ATXN7L1: variants seen among roughly 807,000 people sequenced by gnomAD.
The protein encoded by ATXN7L1 is ataxin-7-like protein 1.
ATXN7L1 carries 15 observed loss-of-function variants against 70.8 expected under a neutral mutation model. The ratio of observed to expected loss-of-function variants is 0.21; its 90% CI spans 0.14 to 0.33. The LOEUF is 0.33. ATXN7L1 is among the 10% of genes least tolerant of loss of function. The pLI, the probability that ATXN7L1 is intolerant of heterozygous loss-of-function variation, is 1.00. For missense variants in ATXN7L1, 975 were observed against 1,097.1 expected (o/e 0.89, Z 1.57); for synonymous variants, 440 against 445.1 (o/e 0.99, Z 0.14).
intron 3 of ATXN7L1, among the ~76,000 whole-genome samples, chr7:105,692,130 G>C (rs1790960107): frequency 6.6e-6 from 1 of 152,196 alleles, no homozygotes; most frequent in Admixed American, 6.5e-5. Context: ...CTTTATTGGT[G>C]GGGTGGGTGG....
chr7:105,790,563 A>G (rs372839865), intron 2 of ATXN7L1, among the ~76,000 whole-genome samples: 2 of 152,142 alleles, frequency 1.3e-5, no homozygotes, highest in African/African-American at 4.8e-5. Context: ...CCTGGGCAAC[A>G]GAGTGAGACC....
At chr7:105,662,353 C>T (rs535481160) in intron 4 of ATXN7L1, among the ~76,000 whole-genome samples, 3 of 152,192 alleles carry the variant, frequency 2.0e-5, no homozygotes, top group South Asian at 2.1e-4. Flanking sequence ...CTGCCCATCT[C>T]GGCCTCCCAA....
intron 3 of ATXN7L1, among the ~76,000 whole-genome samples, chr7:105,757,640 C>T (rs2116402609): frequency 7.1e-6 from 1 of 140,414 alleles, no homozygotes; most frequent in Non-Finnish European, 1.5e-5. Context: ...AGTGCAGTGG[C>T]ACGGTCACAG....
At chr7:105,839,751 C>G (rs1332581829) in intron 2 of ATXN7L1, among the ~76,000 whole-genome samples, 1 of 152,140 alleles carries the variant, frequency 6.6e-6, no homozygotes, top group Admixed American at 6.5e-5. Flanking sequence ...GGAAAATACA[C>G]CTACTGAGCA....
intron 2 of ATXN7L1, among the ~76,000 whole-genome samples, chr7:105,868,736 C>G (rs59495945): frequency 2.0e-4 from 30 of 152,124 alleles, no homozygotes; most frequent in African/African-American, 7.0e-4. Flanking sequence ...GTAACATGAA[C>G]ATTATTAAAA....
rs78113131 is a variant in ATXN7L1 at position 105,652,960 on chromosome 7, C to A, written c.579-9839G>T. Among the ~76,000 whole-genome samples the A allele has an allele frequency of 1.6e-3, 240 of 152,012 alleles. 1 individual carries two copies. Among genetic ancestry groups the A allele is most frequent in the African/African-American group, 5.5e-3 (228 of 41,296 alleles). ...GCTTTTTCCTTTTTTGTATTAGAATCCGGTTCTGGGCAGGCAGCCTTGCAC... is the reference window on the plus strand; with the variant it reads ...GCTTTTTCCTTTTTTGTATTAGAATACGGTTCTGGGCAGGCAGCCTTGCAC... On this transcript the variant is annotated intron_variant, in intron 4 of 11. Coordinates refer to ENST00000419735, the MANE Select transcript of ATXN7L1 (RefSeq NM_020725.2).
intron 2 of ATXN7L1, among the ~76,000 whole-genome samples, chr7:105,869,972 C>G (rs2116676123): frequency 6.6e-6 from 1 of 152,288 alleles, no homozygotes; most frequent in Non-Finnish European, 1.5e-5. Context: ...GATCACTTAA[C>G]TGCACTCTAT....
rs775234903 is a variant in ATXN7L1 at position 105,788,698 on chromosome 7, T to C, written c.261A>G (p.Leu87=). The C allele has an allele frequency of 1.2e-5, 19 of 1,609,406 alleles. No individual in the cohort carries two copies. In the Admixed American group the frequency reaches 3.2e-4, roughly 27 times the overall value. Residue 87 remains leucine, a synonymous_variant, in exon 3 of 12, where the codon TTA becomes TTG. Coordinates refer to ENST00000419735, the MANE Select transcript of ATXN7L1 (RefSeq NM_020725.2). ...VMRLNKEDMH[L]FGHYPAHDDF... ...CGTCATGTGCTGGGTAATGGCCAAA[T>C]AAGTGCATATCTGTGGGGGAAATGA...
At chr7:105,833,295 T>C (rs1811897111) in intron 2 of ATXN7L1, among the ~76,000 whole-genome samples, 1 of 152,184 alleles carries the variant, frequency 6.6e-6, no homozygotes, top group Admixed American at 6.5e-5. Flanking sequence ...TGCTGCATTA[T>C]CTTTTGTTCA....
At chr7:105,782,877 G>A (rs769433906) in intron 3 of ATXN7L1, among the ~76,000 whole-genome samples, 11 of 152,216 alleles carry the variant, frequency 7.2e-5, no homozygotes, top group East Asian at 1.9e-4. Context: ...TGACCTCAGC[G>A]TGCACATCCT....
At chr7:105,875,709 C>A in intron 2 of ATXN7L1, 103 bp downstream of exon 2, 1 of 1,042,682 alleles carries the variant, frequency 9.6e-7, no homozygotes, top group South Asian at 1.3e-5. Flanking sequence ...TTTTGACAAG[C>A]CTTAGTCACT....
At chr7:105,670,469 G>A (rs761048008) in intron 3 of ATXN7L1, among the ~76,000 whole-genome samples, 17 of 152,090 alleles carry the variant, frequency 1.1e-4, no homozygotes, top group Non-Finnish European at 2.2e-4. Flanking sequence ...CTTAGTCTTC[G>A]TTAATGCATA....
At chr7:105,796,276 T>A (rs1051634429) in intron 2 of ATXN7L1, among the ~76,000 whole-genome samples, 4 of 152,184 alleles carry the variant, frequency 2.6e-5, no homozygotes, top group Non-Finnish European at 5.9e-5. Flanking sequence ...GGCAGGAGAA[T>A]AGCTTGAACC....
At chr7:105,608,240 C>G (rs1792856789) in intron 11 of ATXN7L1, among the ~76,000 whole-genome samples, 2 of 152,184 alleles carry the variant, frequency 1.3e-5, no homozygotes, top group South Asian at 4.1e-4. Flanking sequence ...CCTACCTAAC[C>G]TATAGATGAC....
rs552591431 is a variant in ATXN7L1, at chr7:105,709,489, C to T, written c.356-44201G>A. On this transcript the variant is annotated intron_variant, in intron 3 of 11. Transcript: ENST00000419735. ...GAGTATATATGCAGACCAACCAACC[C>T]GAAGCCCACACCCCAACCACCTCTT... Among the ~76,000 whole-genome samples the T allele has an allele frequency of 7.9e-5, 12 of 152,222 alleles. No individual in the cohort carries two copies. The South Asian group carries it at 2.5e-3, about 32-fold the overall frequency.
intron 3 of ATXN7L1, among the ~76,000 whole-genome samples, chr7:105,774,904 G>A (rs2529370): frequency 0.61 from 93,075 of 151,956 alleles, 30,426 homozygotes; most frequent in African/African-American, 0.84. Context: ...TTCAGGGGGA[G>A]AAAAGCAAAG....
At chr7:105,693,220 G>C (rs1044707244) in intron 3 of ATXN7L1, among the ~76,000 whole-genome samples, 1 of 150,714 alleles carries the variant, frequency 6.6e-6, no homozygotes, top group East Asian at 2.0e-4. Flanking sequence ...TAGAGACAAG[G>C]TTTCTCTCTT....
chr7:105,692,693 C>T (rs1420091497), intron 3 of ATXN7L1, among the ~76,000 whole-genome samples: 1 of 151,070 alleles, frequency 6.6e-6, no homozygotes, highest in African/African-American at 2.4e-5. Context: ...GCGATCAACC[C>T]GTCTCAGCCT....
chr7:105,777,994 C>T (rs1302976970), intron 3 of ATXN7L1, among the ~76,000 whole-genome samples: 1 of 152,160 alleles, frequency 6.6e-6, no homozygotes, highest in Non-Finnish European at 1.5e-5. Context: ...ATTTAACCTA[C>T]CAGAACATAA....
Sources: gnomAD v4.1 joint callset for allele counts (sites outside exome capture counted in the v4.1 genomes callset) on GRCh38, gnomAD v4.1.1 for gene constraint, MANE v1.5 for transcripts, NCBI Gene and HGNC (gene_info 2026-07-23, HGNC 2026-07-21) for gene names.